ARHGEF3: variants seen among roughly 807,000 people sequenced by gnomAD.
ARHGEF3 encodes Rho guanine nucleotide exchange factor 3, also known as 59.8 kDA protein.
In ARHGEF3, 28 loss-of-function variants were observed where a neutral mutation model predicts 63.2. The observed-to-expected ratio is 0.44, with a 90% CI of 0.33 to 0.61. The LOEUF (loss-of-function observed/expected upper bound fraction) is 0.61. ARHGEF3 is among the 20% of genes least tolerant of loss of function. The pLI is 0.03. For synonymous variants in ARHGEF3, 266 were observed against 254.2 expected (o/e 1.05, Z -0.44); for missense variants, 533 against 659.3 (o/e 0.81, Z 2.10).
Position 56,773,803 on chromosome 3 carries a change from T to C in ARHGEF3, c.110A>G (p.Lys37Arg). The C allele has an allele frequency of 1.3e-6, 2 of 1,599,676 alleles. No homozygotes were observed. Among genetic ancestry groups the C allele is most frequent in the Non-Finnish European group, 1.7e-6 (2 of 1,175,772 alleles). The change falls in exon 2 of 10, where the codon AAA becomes AGA. Residue 37 changes from lysine to arginine, a missense_variant. Physicochemically the swap from Lys to Arg is conservative, Grantham distance 26 (BLOSUM62 2). This residue lies in a region of ARHGEF3 where 160 missense variants were observed against 157.3 expected (regional missense o/e 1.02). Transcript: ENST00000296315. ...PAKDAEEPSN[K>R]RVKPLSRVTS... Reference sequence around the variant, plus strand: ...GACTCGGGAAAGGGGTTTGACCCGTTTATTACTAGGCTCCTATAGAGTTAA... The same window carrying C: ...GACTCGGGAAAGGGGTTTGACCCGTCTATTACTAGGCTCCTATAGAGTTAA...
intron 4 of ARHGEF3, among the ~76,000 whole-genome samples, chr3:56,814,360 A>C (rs1038932248): frequency 7.9e-5 from 12 of 152,156 alleles, no homozygotes; most frequent in Admixed American, 5.2e-4. Context: ...GTGTGGCCCA[A>C]GACAATTCTT....
intron 3 of ARHGEF3, among the ~76,000 whole-genome samples, chr3:56,950,076 A>G (rs1274778343): frequency 6.6e-6 from 1 of 152,092 alleles, no homozygotes; most frequent in Non-Finnish European, 1.5e-5. Flanking sequence ...CTGGCTAGCC[A>G]TATGTAGAAA....
chr3:56,757,630 CAT>C (rs1413037639), intron 2 of ARHGEF3, among the ~76,000 whole-genome samples: 1 of 152,106 alleles, frequency 6.6e-6, no homozygotes, highest in Non-Finnish European at 1.5e-5. Context: ...AAAAAATGCA[CAT>C]GAGCAAAGAT....
intron 3 of ARHGEF3, among the ~76,000 whole-genome samples, chr3:56,934,103 C>T (rs1451910257): frequency 2.0e-5 from 3 of 152,190 alleles, no homozygotes; most frequent in Admixed American, 6.5e-5. Context: ...TTATAAACTA[C>T]CCAGTTTCGG....
intron 2 of ARHGEF3, among the ~76,000 whole-genome samples, chr3:56,978,943 GCCAGGAGTTCAAGACCAGA>G (rs1184693879): frequency 1.3e-5 from 2 of 152,132 alleles, no homozygotes; most frequent in Non-Finnish European, 2.9e-5. Context: ...ATCACCTCTG[GCCAGGAGTTCAAGACCAGA>G]CTGGACAAGA....
chr3:56,765,815 T>G (rs2035672265), intron 2 of ARHGEF3, among the ~76,000 whole-genome samples: 5 of 152,092 alleles, frequency 3.3e-5, no homozygotes, highest in African/African-American at 1.2e-4. Flanking sequence ...TTTTATTTGG[T>G]TGCAAAGGTA....
intron 1 of ARHGEF3, among the ~76,000 whole-genome samples, chr3:57,042,123 G>A (rs1234224197): frequency 6.6e-6 from 1 of 152,152 alleles, no homozygotes; most frequent in South Asian, 2.1e-4. Context: ...GTCCACCCAC[G>A]CATGGTCTTG....
At chr3:56,801,562 TAG>T in intron 1 of ARHGEF3, 139 bp downstream of exon 1, 1 of 1,128,862 alleles carries the variant, frequency 8.9e-7, no homozygotes, top group Non-Finnish European at 1.2e-6. Context: ...GGGAGAGATG[TAG>T]AGAGAGAAAG....
intron 3 of ARHGEF3, among the ~76,000 whole-genome samples, chr3:56,935,756 T>C (rs1023667544): frequency 1.3e-5 from 2 of 152,156 alleles, no homozygotes. Context: ...CCTTAAGAGC[T>C]GTAACACTCA....
chr3:56,764,610 T>A (rs996951953), intron 2 of ARHGEF3, among the ~76,000 whole-genome samples: 3 of 152,110 alleles, frequency 2.0e-5, no homozygotes, highest in Non-Finnish European at 4.4e-5. Context: ...TGGTGATGAA[T>A]CCTATCTTGC....
intron 1 of ARHGEF3, among the ~76,000 whole-genome samples, chr3:57,062,366 A>G (rs1440944746): frequency 6.6e-6 from 1 of 152,144 alleles, no homozygotes; most frequent in Non-Finnish European, 1.5e-5. Flanking sequence ...CAGACCGGCT[A>G]CCACAGCCGA....
intron 3 of ARHGEF3, among the ~76,000 whole-genome samples, chr3:56,949,703 G>A (rs201289060): frequency 0.12 from 17,599 of 152,010 alleles, 1,313 homozygotes; most frequent in East Asian, 0.25. Context: ...TGGCCATACT[G>A]CCCAAGGTAA....
At position 56,763,746 on chromosome 3, in the gene ARHGEF3, A is replaced by AT. The variant is rs1384906509; in HGVS notation, c.205-8596dup. Among the ~76,000 whole-genome samples the AT allele has an allele frequency of 1.8e-3, 277 of 150,758 alleles. 2 individuals are homozygous for AT. Among genetic ancestry groups the AT allele is most frequent in the African/African-American group, 5.9e-3 (243 of 41,134 alleles). Reference sequence around the variant, plus strand: ...ATTTTTAATTTTTTGATTTTATTTTATTTTTTTTTGTAGGGACAGGGCCTT... The same window carrying AT: ...ATTTTTAATTTTTTGATTTTATTTTATTTTTTTTTTGTAGGGACAGGGCCTT... On this transcript the variant is annotated intron_variant, in intron 2 of 9. Transcript: ENST00000296315.
At chr3:56,807,223 GTTCA>G (rs1216143692) in intron 4 of ARHGEF3, among the ~76,000 whole-genome samples, 3 of 152,028 alleles carry the variant, frequency 2.0e-5, no homozygotes, top group African/African-American at 4.8e-5. Flanking sequence ...TCATCCATCC[GTTCA>G]TTCATTTATC....
chr3:56,942,107 G>C (rs982330728), intron 3 of ARHGEF3, among the ~76,000 whole-genome samples: 13 of 152,316 alleles, frequency 8.5e-5, no homozygotes, highest in African/African-American at 3.1e-4. Context: ...AAAGTACTAG[G>C]AGCAGTAGCT....
chr3:56,980,285 C>T (rs1701276828), intron 2 of ARHGEF3, among the ~76,000 whole-genome samples: 1 of 152,192 alleles, frequency 6.6e-6, no homozygotes, highest in South Asian at 2.1e-4. Flanking sequence ...GCCCAGAACA[C>T]TCACATTAGC....
At chr3:56,773,365 T>A (rs1489442821) in intron 2 of ARHGEF3, among the ~76,000 whole-genome samples, 1 of 152,208 alleles carries the variant, frequency 6.6e-6, no homozygotes, top group Non-Finnish European at 1.5e-5. Flanking sequence ...TTGAAGCTAC[T>A]AGGCTCTGTT....
chr3:56,730,552 A>AT (rs1054801721), intron 9 of ARHGEF3, among the ~76,000 whole-genome samples: 52 of 151,436 alleles, frequency 3.4e-4, no homozygotes, highest in Admixed American at 1.7e-3. Context: ...TGATTTTTGT[A>AT]TTTTTTTTAG....
chr3:56,922,390 T>C (rs1279610574), intron 3 of ARHGEF3, among the ~76,000 whole-genome samples: 3 of 151,402 alleles, frequency 2.0e-5, no homozygotes, highest in African/African-American at 7.3e-5. Flanking sequence ...GATTAGCTGA[T>C]ATCTATCAGC....
Sources: allele counts gnomAD v4.1 joint callset (sites outside exome capture counted in the v4.1 genomes callset), GRCh38; gene constraint gnomAD v4.1.1; regional missense constraint gnomAD v4.1.1; transcripts MANE v1.5; gene names NCBI Gene and HGNC (gene_info 2026-07-23, HGNC 2026-07-21).